Variants in CCDC150 observed in about 807,000 individuals in gnomAD.
The protein encoded by CCDC150 is coiled-coil domain-containing protein 150.
In CCDC150, 151 loss-of-function variants were observed where a neutral mutation model predicts 156.5. The observed-to-expected ratio is 0.97, with a 90% CI of 0.85 to 1.10. The LOEUF (loss-of-function observed/expected upper bound fraction) is 1.10, where lower values mean the gene tolerates loss of function less well. CCDC150 is among the 50% of genes least tolerant of loss of function. CCDC150 has a pLI of 0.00. For synonymous variants in CCDC150, 452 were observed against 429.4 expected (o/e 1.05, Z -0.65); for missense variants, 1,312 against 1,268.1 (o/e 1.03, Z -0.53).
At chr2:196,683,718 C>T (rs1694973743) in intron 13 of CCDC150, among the ~76,000 whole-genome samples, 1 of 151,866 alleles carries the variant, frequency 6.6e-6, no homozygotes, top group East Asian at 1.9e-4. Context: ...AGATTTTCTA[C>T]CTTTATTTGA....
In CCDC150 at chr2:196,676,735, G is replaced by GTT. The variant is rs751051190; in HGVS notation, c.1440+4_1440+5insTT. On this transcript the variant is annotated splice_donor_region_variant and intron_variant, in intron 12 of 27. Transcript: ENST00000389175. ...GAAAGAAAGATTTCAGAGGGAGGTAGGTAGAAGCAAATTTACATTATCTTC... is the reference window on the plus strand; with the variant it reads ...GAAAGAAAGATTTCAGAGGGAGGTAGTTGTAGAAGCAAATTTACATTATCTTC... The GTT allele has an allele frequency of 6.2e-7, 1 of 1,605,774 alleles. No homozygotes were observed. Among genetic ancestry groups the GTT allele is most frequent in the Admixed American group, 1.7e-5 (1 of 58,976 alleles).
chr2:196,721,368 A>G (rs866057052), intron 20 of CCDC150, among the ~76,000 whole-genome samples, 154 bp from the exon 21 acceptor site: 12 of 23,138 alleles, frequency 5.2e-4, no homozygotes, highest in African/African-American at 7.1e-4. Flanking sequence ...ATATATATAT[A>G]TTTTCCAGGC....
chr2:196,724,522 T>G lies in CCDC150; in HGVS notation c.2430-1451T>G, dbSNP rs183922084. ...AAGGACTTCACATGCATTATTTCCTTTAGTACAAACTATTACCCTATGATG... is the reference window on the plus strand; with the variant it reads ...AAGGACTTCACATGCATTATTTCCTGTAGTACAAACTATTACCCTATGATG... On this transcript the variant is annotated intron_variant, in intron 21 of 27. Transcript: ENST00000389175. Among the ~76,000 whole-genome samples the G allele has an allele frequency of 4.6e-5, 7 of 152,306 alleles. No individual in the cohort carries two copies. In the East Asian group the frequency reaches 1.3e-3, roughly 29 times the overall value.
At chr2:196,676,383 G>C (rs1575811331) in intron 11 of CCDC150, 116 bp downstream of exon 11, 17 of 1,407,286 alleles carry the variant, frequency 1.2e-5, no homozygotes, top group African/African-American at 1.4e-5. Context: ...CATTTTTTGG[G>C]CCAGCCACAG....
chr2:196,647,353 CAT>C (rs1232132397), intron 2 of CCDC150, among the ~76,000 whole-genome samples: 16 of 151,992 alleles, frequency 1.1e-4, no homozygotes, highest in East Asian at 9.7e-4. Flanking sequence ...TGCATATAAA[CAT>C]ATATGCATAC....
chr2:196,662,521 G>A (rs1484539065), intron 5 of CCDC150, among the ~76,000 whole-genome samples: 2 of 152,166 alleles, frequency 1.3e-5, no homozygotes, highest in African/African-American at 4.8e-5. Context: ...ACAGTCCTAT[G>A]AGAATCTAAT....
At chr2:196,644,722 TAAC>T (rs148392802) in intron 1 of CCDC150, among the ~76,000 whole-genome samples, 5 of 152,282 alleles carry the variant, frequency 3.3e-5, no homozygotes, top group African/African-American at 1.2e-4. Context: ...TAAGCTGACT[TAAC>T]AACAAATCTA....
At chr2:196,667,020 ATTG>A in intron 7 of CCDC150, 172 bp downstream of exon 7, 2 of 639,808 alleles carry the variant, frequency 3.1e-6, no homozygotes, top group Middle Eastern at 8.6e-4. Flanking sequence ...ATACAGAAGG[ATTG>A]TTGTTAATAA....
chr2:196,646,090 G>A (rs1040241716), intron 1 of CCDC150, among the ~76,000 whole-genome samples: 4 of 152,298 alleles, frequency 2.6e-5, no homozygotes, highest in Non-Finnish European at 5.9e-5. Context: ...CATTGTCACC[G>A]TGGGATCCTA....
intron 10 of CCDC150, among the ~76,000 whole-genome samples, chr2:196,674,780 A>C (rs561560369): frequency 6.6e-6 from 1 of 152,256 alleles, no homozygotes; most frequent in Admixed American, 6.5e-5. Context: ...GATCATCCCA[A>C]CAGGAAGGGA....
chr2:196,703,188 T>G (rs558082830), intron 15 of CCDC150, among the ~76,000 whole-genome samples: 43 of 152,296 alleles, frequency 2.8e-4, no homozygotes, highest in African/African-American at 1.0e-3. Flanking sequence ...GTAATCTCAC[T>G]AGAAGCTTGC....
At chr2:196,642,228 G>T (rs942907991) in intron 1 of CCDC150, among the ~76,000 whole-genome samples, 2 of 152,234 alleles carry the variant, frequency 1.3e-5, no homozygotes, top group Non-Finnish European at 2.9e-5. Flanking sequence ...ATATGTTAAA[G>T]CTGTTGTCTC....
chr2:196,669,871 A>C lies in CCDC150; in HGVS notation c.931A>C (p.Asn311His), dbSNP rs773828026. ...CCTCATTTCCAAGTTGGTTGAAGAA[A>C]ATAAGGTGAGTTTTGAAGTTGTGGA... ...DDLISKLVEENKNLQISFNKE... is the reference protein window; with the variant it reads ...DDLISKLVEEHKNLQISFNKE... The change falls in exon 8 of 28, where the codon AAT (asparagine) becomes CAT (histidine). Residue 311 changes from asparagine (N) to histidine (H), a missense_variant. Physicochemically the swap from Asn to His is moderately conservative, Grantham distance 68. Transcript: ENST00000389175. 5 of 1,611,060 alleles carry C rather than the reference A, an allele frequency of 3.1e-6. No individual in the cohort carries two copies. The South Asian group carries it at 5.5e-5, about 18-fold the overall frequency.
At chr2:196,669,788 TAGCA>T (rs1694083573) in intron 7 of CCDC150, 41 bp from the exon 8 acceptor site, 1 of 1,307,808 alleles carries the variant, frequency 7.6e-7, no homozygotes, top group Admixed American at 1.8e-5. Flanking sequence ...GATTTTAATG[TAGCA>T]AGTTACTATT....
At chr2:196,726,380 G>T (rs1698212223) in intron 22 of CCDC150, 1 of 272,246 alleles carries the variant, frequency 3.7e-6, no homozygotes, top group African/African-American at 2.2e-5. Flanking sequence ...ATAGACAGAA[G>T]AGAAATCATC....
chr2:196,639,730 C>G lies in CCDC150; in HGVS notation c.-37C>G. On this transcript the variant is annotated 5_prime_UTR_variant, in exon 1 of 28. Coordinates refer to ENST00000389175, the MANE Select transcript of CCDC150 (RefSeq NM_001080539.2). ...ATGCTGTGTTAGTTCCACGGAAACC[C>G]GCTCGCCTGCTGCAGTACGGAGCCT... The G allele has an allele frequency of 6.5e-7, 1 of 1,529,448 alleles. No individual in the cohort carries two copies. Among genetic ancestry groups the G allele is most frequent in the Non-Finnish European group, 8.8e-7 (1 of 1,130,466 alleles). The allele number at this position is 1,529,448 out of a possible 1,614,324, so 94.7% of individuals were successfully genotyped here. A position where few individuals can be genotyped will look rare whatever the true frequency, so the allele number is the denominator to read the frequency against.
intron 2 of CCDC150, among the ~76,000 whole-genome samples, chr2:196,647,713 A>C (rs888690110): frequency 1.5e-4 from 23 of 152,202 alleles, no homozygotes; most frequent in Non-Finnish European, 1.6e-4. Flanking sequence ...GTATCAGGCT[A>C]ATTAACATAT....
At chr2:196,718,828 C>A (rs1193836221) in intron 18 of CCDC150, among the ~76,000 whole-genome samples, 197 bp downstream of exon 18, 1 of 151,750 alleles carries the variant, frequency 6.6e-6, no homozygotes, top group Non-Finnish European at 1.5e-5. Flanking sequence ...TATCTAACTC[C>A]CAATGTTTTT....
chr2:196,658,750 T>A (rs1224710862), intron 4 of CCDC150, 42 bp from the exon 5 acceptor site: 1 of 1,451,026 alleles, frequency 6.9e-7, no homozygotes, highest in East Asian at 2.4e-5. Context: ...TTTCTTCCTG[T>A]CATTTCAGAT....
Sources: allele counts gnomAD v4.1 joint callset (sites outside exome capture counted in the v4.1 genomes callset), GRCh38; gene constraint gnomAD v4.1.1; transcripts MANE v1.5; gene names NCBI Gene and HGNC (gene_info 2026-07-23, HGNC 2026-07-21).